The following LPO variants were observed in gnomAD, a reference collection of about 807,000 sequenced individuals.
The protein encoded by LPO is salivary peroxidase.
Under a neutral mutation model 68.4 loss-of-function variants are expected in LPO, and 70 were observed. The ratio of observed to expected loss-of-function variants is 1.02; its 90% CI spans 0.84 to 1.25. The LOEUF (loss-of-function observed/expected upper bound fraction) is 1.25. LPO is among the 50% of genes most tolerant of loss of function. The pLI, the probability that LPO is intolerant of heterozygous loss-of-function variation, is 0.00. For missense variants in LPO, 873 were observed against 908.4 expected (o/e 0.96, Z 0.50); for synonymous variants, 360 against 357.6 (o/e 1.01, Z -0.08).
At chr17:58,241,125 CTTT>C (rs1161572564) in intron 1 of LPO, among the ~76,000 whole-genome samples, 1 of 91,298 alleles carries the variant, frequency 1.1e-5, no homozygotes, top group Non-Finnish European at 2.2e-5. Context: ...TTTCTTTTTT[CTTT>C]TTTTTTTTTT....
At chr17:58,266,844 C>T (rs8178405) in intron 11 of LPO, among the ~76,000 whole-genome samples, 3,663 of 152,286 alleles carry the variant, frequency 0.024, 152 homozygotes, top group African/African-American at 0.083. Context: ...ATATCTGGTA[C>T]TATCTTGGCA....
chr17:58,264,928 C>T lies in LPO; in HGVS notation c.1473C>T (p.Leu491=). 1 of 1,614,232 alleles carries T rather than the reference C, an allele frequency of 6.2e-7. No homozygotes were observed. The change falls in exon 10 of 13, where the codon CTC becomes CTT. Residue 491 remains leucine, a synonymous_variant. Transcript: ENST00000262290. ...NYQPWGPEPE[L]PLHTLFFNTW... ...AGCCATGGGGGCCAGAACCAGAACT[C>T]CCCCTCCACACCCTCTTCTTCAACA...
Position 58,249,753 on chromosome 17 carries a change from C to T in LPO, c.573+58C>T, listed in dbSNP as rs927451065. On this transcript the variant is annotated intron_variant, in intron 6 of 12. Coordinates refer to ENST00000262290, the MANE Select transcript of LPO (RefSeq NM_006151.3). ...GAGCCAGAGGGGACGGGATGCACTACCCAAACACGCAGTGAAAGGAGGAGG... is the reference window on the plus strand; with the variant it reads ...GAGCCAGAGGGGACGGGATGCACTATCCAAACACGCAGTGAAAGGAGGAGG... 6 of 1,502,634 alleles carry T rather than the reference C, an allele frequency of 4.0e-6. No individual in the cohort carries two copies. In the Admixed American group the frequency reaches 7.2e-5, roughly 18 times the overall value. 93.1% of individuals were successfully genotyped at this position (1,502,634 alleles called of 1,614,324 possible).
rs1366170469 is a variant in LPO, at chr17:58,247,502, GACTCCC to G, written c.192_197del (p.Pro65_Thr66del). 4 of 1,613,872 alleles carry G rather than the reference GACTCCC, an allele frequency of 2.5e-6. No individual in the cohort carries two copies. Among genetic ancestry groups the G allele is most frequent in the Non-Finnish European group, 3.4e-6 (4 of 1,179,960 alleles). On this transcript the variant is annotated inframe_deletion, in exon 4 of 13. Coordinates refer to ENST00000262290, the MANE Select transcript of LPO (RefSeq NM_006151.3). ...GGCTGAAGACCGCCATGAGCTCTGA[GACTCCC>G]ACCAGCCGACAGCTCTCAGAATACC...
chr17:58,245,207 T>C (rs1466385767), intron 3 of LPO, among the ~76,000 whole-genome samples: 1 of 152,084 alleles, frequency 6.6e-6, no homozygotes, highest in Admixed American at 6.5e-5. Context: ...TTGAGGCCTC[T>C]GGCGGGAGAA....
intron 5 of LPO, 50 bp from the exon 6 acceptor site, chr17:58,249,516 A>G: frequency 6.3e-7 from 1 of 1,583,998 alleles, no homozygotes. Context: ...TGGGCTTTGG[A>G]GCCCCGGAGC....
At chr17:58,240,275 G>T (rs11650655) in intron 1 of LPO, among the ~76,000 whole-genome samples, 1 of 152,180 alleles carries the variant, frequency 6.6e-6, no homozygotes, top group South Asian at 2.1e-4. Context: ...AGGGGCAAAG[G>T]CTGTGGCTCT....
intron 10 of LPO, 141 bp downstream of exon 10, chr17:58,265,115 C>A: frequency 9.0e-7 from 1 of 1,116,446 alleles, no homozygotes; most frequent in Non-Finnish European, 1.3e-6. Context: ...CCTCAGTTTC[C>A]TCATTTATAA....
chr17:58,249,604 C>T lies in LPO; in HGVS notation c.482C>T (p.Ala161Val). Reference protein sequence around the residue: ...PALGAANRALARWLPAEYEDG... With the variant: ...PALGAANRALVRWLPAEYEDG... ...CTGGGCGCCGCCAACAGGGCTCTGG[C>T]GCGCTGGCTGCCCGCGGAGTACGAG... is the stretch of plus-strand genomic sequence containing the variant. The change falls in exon 6 of 13, where the codon GCG becomes GTG. Residue 161 changes from alanine (A) to valine (V), a missense_variant. Ala to Val is a moderately conservative substitution (Grantham distance 64). Coordinates refer to ENST00000262290, the MANE Select transcript of LPO (RefSeq NM_006151.3). 1 of 1,603,556 alleles carries T rather than the reference C, an allele frequency of 6.2e-7. No homozygotes were observed. The highest frequency in any genetic ancestry group is 8.5e-7 in the Non-Finnish European group (1 of 1,179,118).
At chr17:58,266,356 G>C (rs1363245606) in intron 11 of LPO, 30 bp downstream of exon 11, 2 of 1,604,704 alleles carry the variant, frequency 1.2e-6, no homozygotes, top group Admixed American at 3.4e-5. Flanking sequence ...CCTGCACTGG[G>C]GAAATTTTAG....
In LPO at chr17:58,267,797, G is replaced by A. The variant is rs1339726118; in HGVS notation, c.1942G>A (p.Glu648Lys). Residue 648 changes from glutamate (E) to lysine (K), a missense_variant, in exon 13 of 13, where the codon GAA (glutamate) becomes AAA (lysine). By Grantham distance (56) the Glu-to-Lys change is moderately conservative. Transcript: ENST00000262290. ...CTTCTGTCTCTGCAGGTTCTGGTGG[G>A]AAAACCCTGGGGTCTTCACGAACGA... is the stretch of plus-strand genomic sequence containing the variant. ...QIRDGDRFWW[E>K]NPGVFTNEQK... 1.2e-6 allele frequency: 2 copies of A among 1,614,070 alleles called. No individual in the cohort carries two copies. Among genetic ancestry groups the A allele is most frequent in the Non-Finnish European group, 1.7e-6 (2 of 1,179,992 alleles).
intron 11 of LPO, 122 bp downstream of exon 11, chr17:58,266,448 GC>G: frequency 8.4e-7 from 1 of 1,195,916 alleles, no homozygotes; most frequent in Non-Finnish European, 1.1e-6. Flanking sequence ...CAAAAGTCAG[GC>G]CAGTTTTTTT....
At chr17:58,253,124 T>C (rs1182712477) in intron 8 of LPO, among the ~76,000 whole-genome samples, 1 of 152,020 alleles carries the variant, frequency 6.6e-6, no homozygotes, top group Non-Finnish European at 1.5e-5. Flanking sequence ...CGTTAACATT[T>C]TCATGCTTAT....
chr17:58,243,314 G>T (rs117891345), intron 2 of LPO: 1 of 444,610 alleles, frequency 2.2e-6, no homozygotes, highest in Non-Finnish European at 4.1e-6. Context: ...CAGTCTTTGC[G>T]TGGCCTTTTT....
chr17:58,268,031 C>T lies in LPO; in HGVS notation c.*37C>T. On this transcript the variant is annotated 3_prime_UTR_variant, in exon 13 of 13. Transcript: ENST00000262290. ...GCACAGGAAAGTTCCCTTTGGTCCA[C>T]AGGGCCATTTCAAGCAAGTTCAATG... The T allele has an allele frequency of 1.3e-6, 2 of 1,598,590 alleles. No homozygotes were observed. The highest frequency in any genetic ancestry group is 1.7e-6 in the Non-Finnish European group (2 of 1,168,112).
At position 58,267,954 on chromosome 17, in the gene LPO, A is replaced by G. The variant is rs558443503; in HGVS notation, c.2099A>G (p.Asp700Gly). The G allele has an allele frequency of 6.2e-7, 1 of 1,614,012 alleles. No individual in the cohort carries two copies. Among genetic ancestry groups the G allele is most frequent in the African/African-American group, 1.3e-5 (1 of 75,022 alleles). Residue 700 changes from aspartate to glycine, a missense_variant, in exon 13 of 13, where the codon GAC (aspartate) becomes GGC (glycine). Coordinates refer to ENST00000262290, the MANE Select transcript of LPO (RefSeq NM_006151.3). ...GACTTCGTGGATTGCTCAGCCATCG[A>G]CAAGCTGGACCTGTCACCCTGGGCC... ...PYDFVDCSAI[D>G]KLDLSPWASV...
rs771505153 is a variant in LPO at position 58,252,335 on chromosome 17, TC to T, written c.936del (p.Glu313SerfsTer85). On this transcript the variant is annotated frameshift_variant, in exon 8 of 13. Transcript: ENST00000262290. LOFTEE classifies it high-confidence loss of function. Reference protein sequence around the residue: ...SFLDASFVYSSEPSLASRLRN... With the variant: ...SFLDASFVYSXEPSLASRLRN... ...CCTGGATGCCAGCTTTGTGTACAGC[TC>T]CGAGCCAAGCCTGGCCAGCCGCCTC... 1 of 1,614,070 alleles carries T rather than the reference TC, an allele frequency of 6.2e-7. No homozygotes were observed. Among genetic ancestry groups the T allele is most frequent in the Admixed American group, 1.7e-5 (1 of 60,010 alleles).
In LPO at chr17:58,250,584, A is replaced by C. The variant is rs1265170758; in HGVS notation, c.743A>C (p.Glu248Ala). Residue 248 changes from glutamate (E) to alanine (A), a missense_variant, in exon 7 of 13, where the codon GAG becomes GCG. By Grantham distance (107) the Glu-to-Ala change is moderately radical. Coordinates refer to ENST00000262290, the MANE Select transcript of LPO (RefSeq NM_006151.3). Reference sequence around the variant, plus strand: ...GAGTACTCCAAAGCCCAGTGTGATGAGTACTGTATCCAGGGAGACAACTGC... The same window carrying C: ...GAGTACTCCAAAGCCCAGTGTGATGCGTACTGTATCCAGGGAGACAACTGC... The part of the protein sequence containing the change: ...SSEYSKAQCD[E>A]YCIQGDNCFP... The C allele has an allele frequency of 2.5e-6, 4 of 1,614,000 alleles. No homozygotes were observed. In the African/African-American group the frequency reaches 5.3e-5, roughly 22 times the overall value.
intron 9 of LPO, among the ~76,000 whole-genome samples, chr17:58,255,996 T>C (rs1428226270): frequency 1.3e-5 from 2 of 152,168 alleles, no homozygotes; most frequent in Admixed American, 1.3e-4. Flanking sequence ...TATCTCTTCA[T>C]AGCCACATCC....
Sources: gnomAD v4.1 joint callset for allele counts (sites outside exome capture counted in the v4.1 genomes callset) on GRCh38, gnomAD v4.1.1 for gene constraint, MANE v1.5 for transcripts, NCBI Gene and HGNC (gene_info 2026-07-23, HGNC 2026-07-21) for gene names.